ACTR3C: variants seen among roughly 807,000 people sequenced by gnomAD.
ACTR3C encodes actin-related protein 3C.
A neutral mutation model predicts 26.3 loss-of-function variants in ACTR3C; 18 were observed. The ratio of observed to expected loss-of-function variants is 0.68; its 90% CI spans 0.47 to 1.01. The LOEUF (loss-of-function observed/expected upper bound fraction) is 1.01, where lower values mean the gene tolerates loss of function less well. ACTR3C is among the 50% of genes least tolerant of loss of function. ACTR3C has a pLI of 0.00. For synonymous variants in ACTR3C, 55 were observed against 94.5 expected (o/e 0.58, Z 2.42); for missense variants, 184 against 250.7 (o/e 0.73, Z 1.80).
chr7:150,097,361 A>G, the ACTR3C span, among the ~76,000 whole-genome samples: 2 of 151,398 alleles, frequency 1.3e-5, no homozygotes, highest in African/African-American at 2.4e-5. Flanking sequence ...TTTTCCTTCC[A>G]TCCTGTTATT....
the ACTR3C span, among the ~76,000 whole-genome samples, chr7:150,039,898 G>T: frequency 3.8e-5 from 5 of 132,746 alleles, 1 homozygote; most frequent in East Asian, 1.3e-3. Context: ...CGTGTCGTGA[G>T]GGGTGCCTCC....
At chr7:150,092,653 G>A in the ACTR3C span, among the ~76,000 whole-genome samples, 2 of 150,378 alleles carry the variant, frequency 1.3e-5, no homozygotes, top group African/African-American at 5.0e-5. Context: ...GTGTTCAGCA[G>A]GGTCCTTTTC....
intron 1 of ACTR3C, among the ~76,000 whole-genome samples, chr7:150,301,260 A>C (rs1405000207): frequency 1.3e-5 from 2 of 152,212 alleles, no homozygotes; most frequent in Non-Finnish European, 2.9e-5. Context: ...AAGTATCAGG[A>C]GAGAAAGGTT....
chr7:150,231,177 G>A, the ACTR3C span, among the ~76,000 whole-genome samples: 2 of 151,724 alleles, frequency 1.3e-5, no homozygotes, highest in Non-Finnish European at 2.9e-5. Context: ...TTTCTCTTGA[G>A]CCTACTTATT....
At chr7:149,966,454 T>C in the ACTR3C span, among the ~76,000 whole-genome samples, 3 of 152,218 alleles carry the variant, frequency 2.0e-5, no homozygotes, top group Non-Finnish European at 4.4e-5. Context: ...AAAAGAGAAT[T>C]GAGGAAAGTA....
chr7:150,136,559 A>C, the ACTR3C span, among the ~76,000 whole-genome samples: 5 of 152,068 alleles, frequency 3.3e-5, no homozygotes, highest in Non-Finnish European at 1.5e-5. Context: ...AATCCTAGCT[A>C]ATCAGGAGGC....
At position 150,282,351 on chromosome 7, in the gene ACTR3C, G is replaced by A. The variant is rs1835417268; in HGVS notation, c.564+2402C>T. Among the ~76,000 whole-genome samples, 4 of 152,192 alleles carry A rather than the reference G, an allele frequency of 2.6e-5. No individual in the cohort carries two copies. In the South Asian group the frequency reaches 8.3e-4, roughly 31 times the overall value. On this transcript the variant is annotated intron_variant, in intron 6 of 7. Transcript: ENST00000683684. ...ATAAACCTTTGCTGCTAAACACTGA[G>A]ATTTTGGATTAATTTTTATCGTAAC...
At chr7:150,219,196 G>A in the ACTR3C span, among the ~76,000 whole-genome samples, 2 of 144,844 alleles carry the variant, frequency 1.4e-5, no homozygotes, top group Non-Finnish European at 3.0e-5. Flanking sequence ...GATATTGTGG[G>A]CTAATACATG....
At chr7:150,200,793 G>C in the ACTR3C span, among the ~76,000 whole-genome samples, 1 of 152,158 alleles carries the variant, frequency 6.6e-6, no homozygotes, top group Admixed American at 6.5e-5. Context: ...CACTTCCTGA[G>C]ATTACTGAGA....
the ACTR3C span, among the ~76,000 whole-genome samples, chr7:149,889,685 C>T: frequency 6.6e-6 from 1 of 152,064 alleles, no homozygotes; most frequent in Non-Finnish European, 1.5e-5. Context: ...AACCCCACCC[C>T]ATCTCCACAA....
At chr7:150,141,978 T>A in the ACTR3C span, among the ~76,000 whole-genome samples, 16,256 of 152,050 alleles carry the variant, frequency 0.11, 2,767 homozygotes, top group African/African-American at 0.36. Flanking sequence ...GAGAGCTGAT[T>A]TTGTTGTAGT....
chr7:149,980,226 T>C, the ACTR3C span, among the ~76,000 whole-genome samples: 1 of 152,220 alleles, frequency 6.6e-6, no homozygotes, highest in Admixed American at 6.5e-5. Context: ...AGGGTTGAGA[T>C]GAAGGGATAT....
At chr7:150,314,484 G>A (rs914592328) in intron 1 of ACTR3C, among the ~76,000 whole-genome samples, 2 of 152,230 alleles carry the variant, frequency 1.3e-5, no homozygotes, top group African/African-American at 2.4e-5. Flanking sequence ...TAGGGTGGGG[G>A]CGATGGAGCT....
intron 6 of ACTR3C, among the ~76,000 whole-genome samples, chr7:150,252,160 G>A (rs1292442573): frequency 6.6e-6 from 1 of 152,054 alleles, no homozygotes; most frequent in Non-Finnish European, 1.5e-5. Context: ...GTGTGTGTGT[G>A]TGTGTGTGCA....
At chr7:150,179,350 G>A in the ACTR3C span, among the ~76,000 whole-genome samples, 1 of 141,434 alleles carries the variant, frequency 7.1e-6, no homozygotes, top group Non-Finnish European at 1.5e-5. Context: ...CTTCTAAGGT[G>A]TCCACTAGAG....
chr7:150,035,491 G>T, the ACTR3C span, among the ~76,000 whole-genome samples: 1 of 121,864 alleles, frequency 8.2e-6, no homozygotes, highest in African/African-American at 3.1e-5. Flanking sequence ...AGCCAGGGGC[G>T]GAAGAGGGGA....
chr7:150,309,941 C>G (rs1007549834), intron 1 of ACTR3C, among the ~76,000 whole-genome samples: 3 of 152,180 alleles, frequency 2.0e-5, no homozygotes, highest in African/African-American at 7.2e-5. Flanking sequence ...AGGCTACCCA[C>G]TCCACATTAC....
At chr7:149,967,028 A>ATTTTTTTTTTTTTT in the ACTR3C span, among the ~76,000 whole-genome samples, 23 of 64,716 alleles carry the variant, frequency 3.6e-4, 4 homozygotes, top group Non-Finnish European at 5.1e-4. Context: ...TGCACAGCTA[A>ATTTTTTTTTTTTTT]TTTTTTTTTT....
chr7:149,948,671 C>T, the ACTR3C span, among the ~76,000 whole-genome samples: 1 of 151,702 alleles, frequency 6.6e-6, no homozygotes, highest in Non-Finnish European at 1.5e-5. Context: ...GACGGGGGAC[C>T]TCCCATTACT....
Sources: allele counts gnomAD v4.1 joint callset (sites outside exome capture counted in the v4.1 genomes callset), GRCh38; gene constraint gnomAD v4.1.1; transcripts MANE v1.5; gene names NCBI Gene and HGNC (gene_info 2026-07-23, HGNC 2026-07-21).